Variants in MARCHF1 observed in about 807,000 individuals in gnomAD.
The protein encoded by MARCHF1 is E3 ubiquitin-protein ligase MARCHF1.
In MARCHF1, 40 loss-of-function variants were observed where a neutral mutation model predicts 54.2. The observed-to-expected ratio is 0.74, with a 90% CI of 0.57 to 0.96. The LOEUF (loss-of-function observed/expected upper bound fraction) is 0.96, where lower values mean the gene tolerates loss of function less well. MARCHF1 is among the 40% of genes least tolerant of loss of function. The pLI is 0.00. For missense variants in MARCHF1, 586 were observed against 656.5 expected (o/e 0.89, Z 1.17); for synonymous variants, 236 against 236.3 (o/e 1.00, Z 0.01).
At position 163,545,603 on chromosome 4, in the gene MARCHF1, A is replaced by G. The variant is rs767683546; in HGVS notation, c.1332T>C (p.Asn444=). The change falls in exon 9 of 10, where the codon AAT becomes AAC. Residue 444 remains asparagine (N), a synonymous_variant. Transcript: ENST00000514618. ...DRTAEEIKQG[N]DNGVLEWPFW... ...AGAAAGATGTGCTCTTACCATTGTCATTGCCTTGCTTGATTTCCTCCGCTG... is the reference window on the plus strand; with the variant it reads ...AGAAAGATGTGCTCTTACCATTGTCGTTGCCTTGCTTGATTTCCTCCGCTG... 4 of 1,613,336 alleles carry G rather than the reference A, an allele frequency of 2.5e-6. No homozygotes were observed. In the Middle Eastern group the frequency reaches 6.6e-4, roughly 266 times the overall value.
intron 1 of MARCHF1, among the ~76,000 whole-genome samples, chr4:164,143,200 T>C (rs1756595483): frequency 6.6e-6 from 1 of 152,062 alleles, no homozygotes. Flanking sequence ...GTCTGATTGC[T>C]GTACCTGAAA....
chr4:163,560,237 A>G (rs555132184), intron 8 of MARCHF1, among the ~76,000 whole-genome samples: 1 of 152,184 alleles, frequency 6.6e-6, no homozygotes, highest in South Asian at 2.1e-4. Flanking sequence ...TTTTGAGTTG[A>G]TTTTTGTATA....
At chr4:163,848,594 T>C (rs1749552300) in intron 4 of MARCHF1, among the ~76,000 whole-genome samples, 1 of 152,186 alleles carries the variant, frequency 6.6e-6, no homozygotes, top group African/African-American at 2.4e-5. Flanking sequence ...TTTGATTCAG[T>C]AAATTCCTTA....
intron 4 of MARCHF1, among the ~76,000 whole-genome samples, chr4:163,799,266 T>C (rs1748011016): frequency 6.6e-6 from 1 of 152,142 alleles, no homozygotes; most frequent in Non-Finnish European, 1.5e-5. Flanking sequence ...ATTTATCTAA[T>C]GTGGTTCTTC....
chr4:164,308,754 G>A (rs888451099), intron 1 of MARCHF1, among the ~76,000 whole-genome samples: 2 of 152,040 alleles, frequency 1.3e-5, no homozygotes, highest in African/African-American at 4.8e-5. Flanking sequence ...GCTAAATGAT[G>A]AGAATTCATG....
At chr4:164,040,439 G>C (rs984046470) in intron 2 of MARCHF1, among the ~76,000 whole-genome samples, 1 of 145,226 alleles carries the variant, frequency 6.9e-6, no homozygotes. Flanking sequence ...TAAATATATA[G>C]GTATATCCTT....
intron 1 of MARCHF1, chr4:164,234,687 T>C (rs775662015): frequency 1.3e-5 from 2 of 152,126 alleles, no homozygotes; most frequent in Non-Finnish European, 2.9e-5. Context: ...TGCCTTAATC[T>C]CTTAAATCCA....
At chr4:164,350,573 T>C (rs1443734699) in intron 1 of MARCHF1, among the ~76,000 whole-genome samples, 1 of 152,234 alleles carries the variant, frequency 6.6e-6, no homozygotes, top group Non-Finnish European at 1.5e-5. Flanking sequence ...ATTTGATCTC[T>C]ACACGCTATA....
chr4:163,612,868 C>T lies in MARCHF1; in HGVS notation c.413G>A (p.Gly138Glu), dbSNP rs1314002039. 6 of 1,535,040 alleles carry T rather than the reference C, an allele frequency of 3.9e-6. No homozygotes were observed. In the Admixed American group the frequency reaches 1.2e-4, roughly 30 times the overall value. The change falls in exon 7 of 10, where the codon GGG becomes GAG. Residue 138 changes from glycine (G) to glutamate (E), a missense_variant. Gly to Glu is a moderately conservative substitution (Grantham distance 98, BLOSUM62 -2). This residue lies in a region of MARCHF1 where 387 missense variants were observed against 394.6 expected (regional missense o/e 0.98). Coordinates refer to ENST00000514618, the MANE Select transcript of MARCHF1 (RefSeq NM_001394959.1). Reference protein sequence around the residue: ...YEHAAEEQIRGRKNDFHLQIS... With the variant: ...YEHAAEEQIRERKNDFHLQIS... Reference sequence around the variant, plus strand: ...TTGAAGGTGAAAGTCATTTTTTCTCCCTCTTATTTGTTCTTCTGCAGCATG... The same window carrying T: ...TTGAAGGTGAAAGTCATTTTTTCTCTCTCTTATTTGTTCTTCTGCAGCATG...
intron 1 of MARCHF1, among the ~76,000 whole-genome samples, chr4:164,124,482 T>C (rs979350304): frequency 6.6e-6 from 1 of 152,204 alleles, no homozygotes; most frequent in Non-Finnish European, 1.5e-5. Context: ...GCACTCATGT[T>C]TGCTGCAGCA....
At chr4:163,648,309 G>T (rs1168737658) in intron 5 of MARCHF1, among the ~76,000 whole-genome samples, 1 of 151,866 alleles carries the variant, frequency 6.6e-6, no homozygotes, top group Non-Finnish European at 1.5e-5. Context: ...CTAGTTTCAA[G>T]ATATTAGGCT....
chr4:164,310,132 C>T (rs1734809082), intron 1 of MARCHF1, among the ~76,000 whole-genome samples: 1 of 151,840 alleles, frequency 6.6e-6, no homozygotes, highest in South Asian at 2.1e-4. Context: ...GGCTGGTGTG[C>T]AGTGGCGCCA....
chr4:164,362,473 G>T (rs1730749422), intron 1 of MARCHF1, among the ~76,000 whole-genome samples: 1 of 152,064 alleles, frequency 6.6e-6, no homozygotes, highest in South Asian at 2.1e-4. Flanking sequence ...GCTAGAGGAA[G>T]CTCTGCCTCC....
chr4:164,178,293 C>G (rs1467585229), intron 1 of MARCHF1, among the ~76,000 whole-genome samples: 37 of 152,098 alleles, frequency 2.4e-4, no homozygotes, highest in Non-Finnish European at 1.2e-4. Flanking sequence ...AACTATCCAC[C>G]TGCTCAACCT....
intron 1 of MARCHF1, among the ~76,000 whole-genome samples, chr4:164,215,122 G>A (rs573106295): frequency 3.6e-3 from 541 of 152,272 alleles, no homozygotes; most frequent in African/African-American, 0.012. Context: ...TGTATCCTGG[G>A]GTTCTTTCCT....
At chr4:164,182,316 C>T (rs1730852839) in intron 1 of MARCHF1, among the ~76,000 whole-genome samples, 1 of 151,702 alleles carries the variant, frequency 6.6e-6, no homozygotes, top group South Asian at 2.1e-4. Flanking sequence ...AAATATATAG[C>T]AATTTTTAAA....
chr4:164,344,516 G>C (rs72690050), intron 1 of MARCHF1, among the ~76,000 whole-genome samples: 2 of 152,022 alleles, frequency 1.3e-5, no homozygotes, highest in Non-Finnish European at 2.9e-5. Context: ...GAAAACTAAA[G>C]TGAAGACTTT....
chr4:164,128,240 AT>A (rs1179940340), intron 1 of MARCHF1, among the ~76,000 whole-genome samples: 1 of 152,150 alleles, frequency 6.6e-6, no homozygotes, highest in Non-Finnish European at 1.5e-5. Flanking sequence ...ATATGGAGGT[AT>A]TTTTTAATGA....
chr4:164,265,851 C>A (rs75907240), intron 1 of MARCHF1, among the ~76,000 whole-genome samples: 41,238 of 151,996 alleles, frequency 0.27, 6,321 homozygotes, highest in Admixed American at 0.44. Flanking sequence ...TTAAATGGCA[C>A]TGACTCGAGG....
Sources: gnomAD v4.1 joint callset for allele counts (sites outside exome capture counted in the v4.1 genomes callset) on GRCh38, gnomAD v4.1.1 for gene constraint, gnomAD v4.1.1 regional missense constraint, MANE v1.5 for transcripts, NCBI Gene and HGNC (gene_info 2026-07-23, HGNC 2026-07-21) for gene names.